The following TBC1D30 variants were observed in gnomAD, a reference collection of about 807,000 sequenced individuals.
The protein encoded by TBC1D30 is TBC1 domain family member 30.
In TBC1D30, 31 loss-of-function variants were observed where a neutral mutation model predicts 63.2. That is an observed-to-expected ratio of 0.49 (90% CI 0.37 to 0.66). The LOEUF is 0.66. Among genes scored for constraint, TBC1D30 ranks in the 30% least tolerant of loss-of-function variants. The pLI is 0.00. For synonymous variants in TBC1D30, 307 were observed against 361.5 expected (o/e 0.85, Z 1.71); for missense variants, 810 against 953.6 (o/e 0.85, Z 1.98).
chr12:64,767,750 T>C (rs1870763393), intron 1 of TBC1D30, among the ~76,000 whole-genome samples: 1 of 117,610 alleles, frequency 8.5e-6, no homozygotes. Context: ...AAGAGGTGAC[T>C]AGCATCTGGA....
chr12:64,825,348 G>C, intron 1 of TBC1D30: 1 of 341,586 alleles, frequency 2.9e-6, no homozygotes, highest in Non-Finnish European at 5.3e-6. Context: ...GTGGCTGCCC[G>C]GGCCCTCAGA....
intron 2 of TBC1D30, among the ~76,000 whole-genome samples, chr12:64,812,778 T>A (rs1338692935): frequency 6.6e-6 from 1 of 151,978 alleles, no homozygotes. Flanking sequence ...CTTGCAGTGA[T>A]CTTGCAAAAC....
intron 4 of TBC1D30, among the ~76,000 whole-genome samples, chr12:64,831,756 C>T (rs1412578321): frequency 6.6e-6 from 1 of 152,090 alleles, no homozygotes. Context: ...CTCAATCATA[C>T]ATGTATTGTG....
chr12:64,858,276 A>G (rs1877480800), intron 8 of TBC1D30, among the ~76,000 whole-genome samples: 1 of 152,094 alleles, frequency 6.6e-6, no homozygotes, highest in Non-Finnish European at 1.5e-5. Flanking sequence ...TTCTTTTTCA[A>G]TAAATGTTGA....
intron 2 of TBC1D30, among the ~76,000 whole-genome samples, chr12:64,808,543 T>A (rs1433566216): frequency 6.6e-6 from 1 of 152,210 alleles, no homozygotes; most frequent in Non-Finnish European, 1.5e-5. Context: ...CTGATTTGTA[T>A]CTCTCTGGCT....
At chr12:64,815,099 A>G (rs1025999250) in intron 2 of TBC1D30, among the ~76,000 whole-genome samples, 4 of 152,230 alleles carry the variant, frequency 2.6e-5, no homozygotes, top group African/African-American at 7.2e-5. Flanking sequence ...TCACTCCTCT[A>G]TGATTCAACC....
At chr12:64,761,520 G>T (rs969281310) in intron 1 of TBC1D30, among the ~76,000 whole-genome samples, 2 of 152,166 alleles carry the variant, frequency 1.3e-5, no homozygotes, top group Non-Finnish European at 2.9e-5. Context: ...GATGAAACAG[G>T]TAGCAGTAAA....
chr12:64,850,963 A>G (rs979824041), intron 8 of TBC1D30, among the ~76,000 whole-genome samples: 1 of 152,182 alleles, frequency 6.6e-6, no homozygotes, highest in African/African-American at 2.4e-5. Context: ...TTATTGGTCT[A>G]TTCAGGGATT....
intron 8 of TBC1D30, among the ~76,000 whole-genome samples, chr12:64,852,943 A>G (rs1592639621): frequency 2.0e-5 from 3 of 152,274 alleles, no homozygotes; most frequent in African/African-American, 4.8e-5. Context: ...TGGGAGGTAT[A>G]TCCCAGTCAG....
intron 2 of TBC1D30, among the ~76,000 whole-genome samples, chr12:64,814,235 C>T (rs926363251): frequency 6.6e-6 from 1 of 151,976 alleles, no homozygotes; most frequent in Non-Finnish European, 1.5e-5. Flanking sequence ...CTAGTAGAGA[C>T]GGGGCTGTGC....
At chr12:64,797,299 G>A (rs1165738870) in intron 2 of TBC1D30, among the ~76,000 whole-genome samples, 2 of 152,146 alleles carry the variant, frequency 1.3e-5, no homozygotes, top group Non-Finnish European at 2.9e-5. Flanking sequence ...TTTTCTTCCT[G>A]TTGTGTCACC....
intron 4 of TBC1D30, among the ~76,000 whole-genome samples, chr12:64,831,232 A>G (rs905342851): frequency 2.6e-5 from 4 of 152,222 alleles, no homozygotes; most frequent in Admixed American, 1.3e-4. Flanking sequence ...AGGAGGAAGT[A>G]CTAACTAAAA....
chr12:64,860,660 C>A (rs976807846), intron 8 of TBC1D30, among the ~76,000 whole-genome samples: 1 of 152,034 alleles, frequency 6.6e-6, no homozygotes, highest in African/African-American at 2.4e-5. Flanking sequence ...AGACATTTGG[C>A]CCATGGGTGG....
chr12:64,786,668 T>A (rs1158509133), intron 2 of TBC1D30, among the ~76,000 whole-genome samples: 1 of 151,244 alleles, frequency 6.6e-6, no homozygotes, highest in African/African-American at 2.4e-5. Context: ...ACAGCATCAC[T>A]GGCTGGGTGT....
chr12:64,770,547 G>A (rs1376179671), intron 1 of TBC1D30, among the ~76,000 whole-genome samples: 1 of 152,132 alleles, frequency 6.6e-6, no homozygotes, highest in Non-Finnish European at 1.5e-5. Flanking sequence ...CTACTTTGGG[G>A]CCCTTAAGTG....
chr12:64,768,781 C>T (rs116380849), intron 1 of TBC1D30, among the ~76,000 whole-genome samples: 2 of 152,172 alleles, frequency 1.3e-5, no homozygotes, highest in Non-Finnish European at 2.9e-5. Context: ...GATCTTTCTT[C>T]TGATGTAACT....
chr12:64,862,102 C>A lies in TBC1D30; in HGVS notation c.1039-2566C>A, dbSNP rs76334167. Among the ~76,000 whole-genome samples, 345 of 152,290 alleles carry A rather than the reference C, an allele frequency of 2.3e-3. 1 individual carries two copies. Among genetic ancestry groups the A allele is most frequent in the African/African-American group, 7.5e-3 (312 of 41,564 alleles). ...GAGGTGGAACTAATATGTTTGAATT[C>A]TTTTCTAACCCTGTGATTCTATTAC... On this transcript the variant is annotated intron_variant, in intron 8 of 11. Transcript: ENST00000539867.
At chr12:64,831,211 G>GT (rs979857247) in intron 4 of TBC1D30, among the ~76,000 whole-genome samples, 213 of 151,294 alleles carry the variant, frequency 1.4e-3, no homozygotes, top group East Asian at 4.5e-3. Context: ...ATATTTGGAG[G>GT]TTTTTTTTTA....
At chr12:64,822,799 CT>C (rs1160251194), upstream of TBC1D30, among the ~76,000 whole-genome samples, 1 of 149,882 alleles carries the variant, frequency 6.7e-6, no homozygotes, top group Non-Finnish European at 1.5e-5. Flanking sequence ...ACTCTTGTGT[CT>C]TTTTGACTTG....
Sources: allele counts gnomAD v4.1 joint callset (sites outside exome capture counted in the v4.1 genomes callset), GRCh38; gene constraint gnomAD v4.1.1; transcripts MANE v1.5; gene names NCBI Gene and HGNC (gene_info 2026-07-23, HGNC 2026-07-21).